The following THSD7B variants were observed in gnomAD, a reference collection of about 807,000 sequenced individuals.
THSD7B encodes the protein thrombospondin type-1 domain-containing protein 7B.
THSD7B carries 138 observed loss-of-function variants against 213.6 expected under a neutral mutation model. The observed-to-expected ratio is 0.65, with a 90% CI of 0.56 to 0.74. The LOEUF is 0.74. Ranked by LOEUF, THSD7B falls within the 30% of genes least tolerant of loss-of-function variation. The pLI is 0.00. For missense variants in THSD7B, 1,931 were observed against 1,991.5 expected (o/e 0.97, Z 0.58); for synonymous variants, 742 against 687.0 (o/e 1.08, Z -1.25).
chr2:136,831,049 C>T (rs149005520), intron 1 of THSD7B, among the ~76,000 whole-genome samples: 5 of 150,880 alleles, frequency 3.3e-5, no homozygotes, highest in Admixed American at 2.6e-4. Context: ...GGCATTTCTT[C>T]TCAATCTTTT....
At chr2:137,405,489 A>T in intron 12 of THSD7B, 124 bp from the exon 13 acceptor site, 1 of 748,418 alleles carries the variant, frequency 1.3e-6, no homozygotes, top group Non-Finnish European at 2.0e-6. Flanking sequence ...TATGTTGAAC[A>T]CCGTTTGCAC....
At chr2:136,853,948 G>C (rs573685659) in intron 1 of THSD7B, among the ~76,000 whole-genome samples, 1 of 152,260 alleles carries the variant, frequency 6.6e-6, no homozygotes, top group South Asian at 2.1e-4. Flanking sequence ...TCTTCAAGCT[G>C]ATTTGTGTTC....
chr2:137,417,246 G>A (rs548702344), intron 14 of THSD7B, among the ~76,000 whole-genome samples: 1 of 152,230 alleles, frequency 6.6e-6, no homozygotes, highest in South Asian at 2.1e-4. Context: ...AGAAAGTTTA[G>A]ATTTGCTGTG....
intron 2 of THSD7B, among the ~76,000 whole-genome samples, chr2:136,912,125 C>A (rs944982080): frequency 4.0e-5 from 6 of 151,844 alleles, no homozygotes; most frequent in African/African-American, 1.5e-4. Context: ...CCAGCCTGGG[C>A]AACATGGCAC....
chr2:137,358,420 C>T (rs551908431), intron 12 of THSD7B, among the ~76,000 whole-genome samples: 1 of 152,040 alleles, frequency 6.6e-6, no homozygotes, highest in African/African-American at 2.4e-5. Flanking sequence ...TGGATGAGTT[C>T]GATGTGGTAG....
At chr2:137,151,839 T>C (rs935097736) in intron 5 of THSD7B, among the ~76,000 whole-genome samples, 11 of 152,150 alleles carry the variant, frequency 7.2e-5, no homozygotes, top group African/African-American at 2.7e-4. Flanking sequence ...GTGATGTCCT[T>C]AGGCAACAGG....
intron 15 of THSD7B, among the ~76,000 whole-genome samples, chr2:137,508,808 T>C (rs955506401): frequency 1.2e-4 from 19 of 152,126 alleles, no homozygotes; most frequent in African/African-American, 3.9e-4. Flanking sequence ...CCCTCCTTTA[T>C]AGAAAATACC....
At chr2:137,311,104 C>G (rs1313026963) in intron 12 of THSD7B, among the ~76,000 whole-genome samples, 2 of 151,098 alleles carry the variant, frequency 1.3e-5, no homozygotes, top group Non-Finnish European at 2.9e-5. Flanking sequence ...GCAGTATGGC[C>G]ATTTTCACGA....
intron 3 of THSD7B, among the ~76,000 whole-genome samples, chr2:137,059,481 A>G (rs1687230590): frequency 6.6e-6 from 1 of 152,166 alleles, no homozygotes; most frequent in African/African-American, 2.4e-5. Context: ...ACGGTATCAT[A>G]CAGAGTAGTT....
chr2:137,440,236 T>A (rs1447465062), intron 14 of THSD7B, among the ~76,000 whole-genome samples: 1 of 152,168 alleles, frequency 6.6e-6, no homozygotes, highest in African/African-American at 2.4e-5. Context: ...TCTTGTTTTT[T>A]AAATTTTAAA....
intron 10 of THSD7B, among the ~76,000 whole-genome samples, chr2:137,267,903 GA>G (rs1243163877): frequency 3.9e-5 from 6 of 152,160 alleles, no homozygotes; most frequent in Non-Finnish European, 7.4e-5. Context: ...GTATTCAGTG[GA>G]AAAGGAGGTG....
intron 1 of THSD7B, among the ~76,000 whole-genome samples, chr2:136,804,236 A>G (rs917627004): frequency 6.6e-5 from 10 of 152,128 alleles, no homozygotes; most frequent in African/African-American, 2.4e-4. Context: ...TTACCTTTCT[A>G]TGTTCAGCTT....
intron 2 of THSD7B, among the ~76,000 whole-genome samples, chr2:136,891,543 G>T (rs768463034): frequency 6.6e-6 from 1 of 152,206 alleles, no homozygotes; most frequent in African/African-American, 2.4e-5. Flanking sequence ...GGTTTAAAAA[G>T]ATAGAAGCTC....
intron 12 of THSD7B, among the ~76,000 whole-genome samples, chr2:137,376,862 T>C (rs965782925): frequency 6.6e-6 from 1 of 152,170 alleles, no homozygotes; most frequent in Admixed American, 6.6e-5. Context: ...GTCTGATGTC[T>C]TTTTAGTGGC....
chr2:137,435,113 T>C (rs1012576352), intron 14 of THSD7B, among the ~76,000 whole-genome samples: 2 of 152,172 alleles, frequency 1.3e-5, no homozygotes, highest in Non-Finnish European at 2.9e-5. Flanking sequence ...AAGACTATCA[T>C]GTCCCAGCAG....
chr2:137,554,358 A>G (rs555190370), intron 15 of THSD7B, among the ~76,000 whole-genome samples: 9 of 152,300 alleles, frequency 5.9e-5, no homozygotes, highest in African/African-American at 9.6e-5. Context: ...AGAAGACACA[A>G]ATTTTTTCCC....
intron 3 of THSD7B, among the ~76,000 whole-genome samples, chr2:137,081,993 G>T (rs1159314334): frequency 2.0e-5 from 3 of 151,900 alleles, no homozygotes; most frequent in African/African-American, 7.3e-5. Context: ...TATCTCTAAG[G>T]TCTACCAGCT....
intron 12 of THSD7B, among the ~76,000 whole-genome samples, chr2:137,346,492 C>T (rs1327852905): frequency 6.6e-6 from 1 of 151,440 alleles, no homozygotes; most frequent in Non-Finnish European, 1.5e-5. Context: ...CTCTCTCTCT[C>T]TCTCTCCCTC....
chr2:137,325,142 C>T (rs1684340966), intron 12 of THSD7B, among the ~76,000 whole-genome samples: 1 of 151,500 alleles, frequency 6.6e-6, no homozygotes, highest in Non-Finnish European at 1.5e-5. Flanking sequence ...TTCCAGCTCC[C>T]TTCTCCACCT....
Sources: gnomAD v4.1 joint callset for allele counts (sites outside exome capture counted in the v4.1 genomes callset) on GRCh38, gnomAD v4.1.1 for gene constraint, MANE v1.5 for transcripts, NCBI Gene and HGNC (gene_info 2026-07-23, HGNC 2026-07-21) for gene names.